Variants in CNIH3 observed in about 807,000 individuals in gnomAD.
CNIH3 encodes cornichon family AMPA receptor auxiliary protein 3.
A neutral mutation model predicts 24.1 loss-of-function variants in CNIH3; 14 were observed. The observed-to-expected ratio is 0.58, with a 90% confidence interval of 0.38 to 0.91. The LOEUF is 0.91. Among genes scored for constraint, CNIH3 ranks in the 40% least tolerant of loss-of-function variants. The pLI is 0.00. For missense variants in CNIH3, 178 were observed against 196.8 expected (o/e 0.90, Z 0.57); for synonymous variants, 68 against 73.8 (o/e 0.92, Z 0.40).
chr1:224,508,427 C>A (rs1239536451), intron 1 of CNIH3, among the ~76,000 whole-genome samples: 1 of 152,144 alleles, frequency 6.6e-6, no homozygotes, highest in Non-Finnish European at 1.5e-5. Flanking sequence ...AATTGGAATT[C>A]CTAAGATGTG....
intron 3 of CNIH3, among the ~76,000 whole-genome samples, chr1:224,726,736 C>T (rs1203610021): frequency 2.6e-5 from 4 of 152,042 alleles, no homozygotes; most frequent in African/African-American, 7.2e-5. Context: ...TTCAGTAATC[C>T]CACAATACTT....
At chr1:224,525,466 G>A (rs1385994662) in intron 2 of CNIH3, among the ~76,000 whole-genome samples, 1 of 152,218 alleles carries the variant, frequency 6.6e-6, no homozygotes, top group Admixed American at 6.5e-5. Context: ...CCCAAGTGAA[G>A]AGCATCAGAC....
chr1:224,668,799 G>C lies in CNIH3; in HGVS notation c.82-12159G>C, dbSNP rs552998326. ...GCCAGAGGACGCACAAGTTTGGTGA[G>C]AGGAGGGGGAACCTGGGGCTGGGGG... On this transcript the variant is annotated intron_variant, in intron 1 of 5. Coordinates refer to ENST00000272133, the MANE Select transcript of CNIH3 (RefSeq NM_152495.2). Among the ~76,000 whole-genome samples the C allele has an allele frequency of 1.2e-4, 19 of 152,260 alleles. No homozygotes were observed. In the East Asian group the frequency reaches 2.5e-3, roughly 20 times the overall value.
chr1:224,438,006 G>A (rs1572237833), intron 1 of CNIH3, among the ~76,000 whole-genome samples: 1 of 151,104 alleles, frequency 6.6e-6, no homozygotes, highest in Non-Finnish European at 1.5e-5. Flanking sequence ...TCCGCCTCCT[G>A]GGTTCACGCC....
chr1:224,661,262 C>G (rs1369573766), intron 1 of CNIH3: 1 of 305,164 alleles, frequency 3.3e-6, no homozygotes, highest in African/African-American at 2.3e-5. Flanking sequence ...CTTTCTTGAC[C>G]ATTCTTGACA....
intron 1 of CNIH3, among the ~76,000 whole-genome samples, chr1:224,440,398 A>AT (rs1163576323): frequency 6.6e-6 from 1 of 151,838 alleles, no homozygotes; most frequent in Non-Finnish European, 1.5e-5. Flanking sequence ...CTAATTTTTT[A>AT]TTTTTTGTCT....
chr1:224,693,522 G>C (rs1236473379), intron 3 of CNIH3, among the ~76,000 whole-genome samples: 1 of 152,080 alleles, frequency 6.6e-6, no homozygotes, highest in Non-Finnish European at 1.5e-5. Context: ...CTTGTATCTG[G>C]TGGGCAGCAG....
chr1:224,736,549 A>C (rs954416943), intron 5 of CNIH3, among the ~76,000 whole-genome samples: 1 of 152,220 alleles, frequency 6.6e-6, no homozygotes, highest in Non-Finnish European at 1.5e-5. Context: ...TACCTATTCA[A>C]ACTTTCCAGG....
chr1:224,717,394 C>A (rs1688483277), intron 3 of CNIH3: 1 of 152,160 alleles, frequency 6.6e-6, no homozygotes, highest in South Asian at 2.1e-4. Flanking sequence ...ACTCTGATGA[C>A]CTAATTACCT....
intron 1 of CNIH3, among the ~76,000 whole-genome samples, chr1:224,478,287 A>AACT (rs1166452675): frequency 5.9e-5 from 9 of 152,260 alleles, no homozygotes; most frequent in Admixed American, 5.2e-4. Flanking sequence ...TTTAAGGCCA[A>AACT]TAACTCTTAG....
chr1:224,448,328 G>A (rs902792546), intron 1 of CNIH3, among the ~76,000 whole-genome samples: 2 of 152,228 alleles, frequency 1.3e-5, no homozygotes, highest in Non-Finnish European at 2.9e-5. Flanking sequence ...TTGAGTACCT[G>A]TGAGATGTCC....
chr1:224,555,450 TA>T (rs903702572), intron 3 of CNIH3, among the ~76,000 whole-genome samples: 2 of 151,888 alleles, frequency 1.3e-5, no homozygotes, highest in Non-Finnish European at 2.9e-5. Flanking sequence ...ACCTGCACAA[TA>T]AAAAAAATAA....
chr1:224,597,130 C>A (rs1285290170), intron 3 of CNIH3, among the ~76,000 whole-genome samples: 2 of 148,984 alleles, frequency 1.3e-5, no homozygotes, highest in African/African-American at 4.9e-5. Context: ...CCAGCCTGGG[C>A]AAAAAGAGTG....
At chr1:224,723,474 G>A (rs1193876896) in intron 3 of CNIH3, among the ~76,000 whole-genome samples, 2 of 152,186 alleles carry the variant, frequency 1.3e-5, no homozygotes, top group Non-Finnish European at 2.9e-5. Context: ...GAAAACATAG[G>A]GAGAAACCAG....
chr1:224,529,555 G>A (rs182652768), intron 2 of CNIH3: 74 of 152,252 alleles, frequency 4.9e-4, no homozygotes, highest in African/African-American at 1.4e-3. Context: ...GTGCTGCTCC[G>A]AATGACCAGA....
chr1:224,630,220 C>T (rs1683749718), intron 1 of CNIH3, among the ~76,000 whole-genome samples: 1 of 152,148 alleles, frequency 6.6e-6, no homozygotes, highest in South Asian at 2.1e-4. Flanking sequence ...ATTTGCATTT[C>T]TGCTCTCAGA....
At chr1:224,719,379 T>C (rs779629422) in intron 3 of CNIH3, among the ~76,000 whole-genome samples, 5 of 152,092 alleles carry the variant, frequency 3.3e-5, no homozygotes, top group African/African-American at 4.8e-5. Flanking sequence ...ATAAAAATTA[T>C]TGGAGGAAGA....
intron 1 of CNIH3, among the ~76,000 whole-genome samples, chr1:224,476,831 C>T (rs1676606554): frequency 1.3e-5 from 2 of 152,104 alleles, no homozygotes; most frequent in Non-Finnish European, 2.9e-5. Context: ...CCACAAAAGA[C>T]CTGGAATAGC....
chr1:224,657,311 C>T (rs190590526), intron 1 of CNIH3, among the ~76,000 whole-genome samples: 2 of 152,106 alleles, frequency 1.3e-5, no homozygotes, highest in Non-Finnish European at 2.9e-5. Context: ...ATATGCTTGT[C>T]ATCATAAAGC....
Sources: allele counts gnomAD v4.1 joint callset (sites outside exome capture counted in the v4.1 genomes callset), GRCh38; gene constraint gnomAD v4.1.1; transcripts MANE v1.5; gene names NCBI Gene and HGNC (gene_info 2026-07-23, HGNC 2026-07-21).